The following ROBO2 variants were observed in gnomAD, a reference collection of about 807,000 sequenced individuals.
The protein encoded by ROBO2 is roundabout homolog 2.
ROBO2 carries 53 observed loss-of-function variants against 160.8 expected under a neutral mutation model. That is an observed-to-expected ratio of 0.33 (90% CI 0.26 to 0.41). The LOEUF is 0.41. Ranked by LOEUF, ROBO2 falls within the 10% of genes least tolerant of loss-of-function variation. The probability of loss-of-function intolerance (pLI) is 1.00; values close to 1 mark genes in which losing one functional copy is unlikely to be tolerated. For synonymous variants in ROBO2, 664 were observed against 611.7 expected, an observed-to-expected ratio of 1.09 and a Z score of -1.26; for missense variants, 1,577 against 1,722.4, an observed-to-expected ratio of 0.92 and a Z score of 1.49.
chr3:77,442,205 G>A (rs974592598), intron 2 of ROBO2, among the ~76,000 whole-genome samples: 2 of 151,956 alleles, frequency 1.3e-5, no homozygotes, highest in Admixed American at 6.6e-5. Context: ...CCAGCTACTC[G>A]GGAGGCTGAG....
At chr3:76,461,147 G>A (rs1172371025) in intron 2 of ROBO2, among the ~76,000 whole-genome samples, 2 of 152,170 alleles carry the variant, frequency 1.3e-5, no homozygotes, top group African/African-American at 4.8e-5. Context: ...GAGGCCTCAG[G>A]AAACTTATAA....
At chr3:76,376,390 C>T (rs749191766) in intron 2 of ROBO2, among the ~76,000 whole-genome samples, 2 of 152,074 alleles carry the variant, frequency 1.3e-5, no homozygotes, top group Non-Finnish European at 2.9e-5. Flanking sequence ...TCAAAGAAAC[C>T]ATGGATTTTA....
At chr3:76,292,963 GTT>G (rs5850246) in intron 2 of ROBO2, among the ~76,000 whole-genome samples, 5,824 of 141,744 alleles carry the variant, frequency 0.041, 319 homozygotes, top group African/African-American at 0.12. Flanking sequence ...AAGTACTAGG[GTT>G]TTTTTTTTTT....
intron 2 of ROBO2, among the ~76,000 whole-genome samples, chr3:76,851,826 G>A (rs1398202908): frequency 6.6e-6 from 1 of 150,706 alleles, no homozygotes; most frequent in Non-Finnish European, 1.5e-5. Context: ...ATGCATTAAA[G>A]TCATTGAGAT....
intron 23 of ROBO2, chr3:77,632,681 C>G (rs1428701186): frequency 6.6e-7 from 1 of 1,517,184 alleles, no homozygotes; most frequent in African/African-American, 1.4e-5. Context: ...AGTCAACACT[C>G]TTTGCATGAG....
At chr3:76,507,487 A>C (rs2107708340) in intron 2 of ROBO2, among the ~76,000 whole-genome samples, 1 of 152,250 alleles carries the variant, frequency 6.6e-6, no homozygotes, top group Non-Finnish European at 1.5e-5. Context: ...AGAATGTTAA[A>C]TCTAATACTT....
chr3:76,331,345 G>A (rs1430472445), intron 2 of ROBO2, among the ~76,000 whole-genome samples: 1 of 152,054 alleles, frequency 6.6e-6, no homozygotes. Flanking sequence ...CCAGCAATTA[G>A]GAATAACTTA....
chr3:77,127,079 A>G (rs1032354980), intron 2 of ROBO2, among the ~76,000 whole-genome samples: 9 of 151,902 alleles, frequency 5.9e-5, no homozygotes, highest in Admixed American at 3.9e-4. Context: ...GTGAGCCACC[A>G]CGCCAGGCCG....
chr3:77,049,052 G>A (rs150605361), intron 1 of ROBO2, among the ~76,000 whole-genome samples: 5 of 152,172 alleles, frequency 3.3e-5, no homozygotes, highest in South Asian at 2.1e-4. Context: ...GCCTGGGCTC[G>A]GCGCAGTGGC....
intron 2 of ROBO2, among the ~76,000 whole-genome samples, chr3:76,304,909 A>G (rs1364225682): frequency 6.6e-6 from 1 of 151,590 alleles, no homozygotes; most frequent in African/African-American, 2.4e-5. Flanking sequence ...CCAGCACTCA[A>G]GCGGGGTAAA....
intron 2 of ROBO2, among the ~76,000 whole-genome samples, chr3:76,491,600 T>C (rs532083727): frequency 6.6e-6 from 1 of 152,336 alleles, no homozygotes; most frequent in South Asian, 2.1e-4. Context: ...TCTACCTTTG[T>C]TTTGCCCTTG....
chr3:76,940,635 A>G (rs1182688478), intron 2 of ROBO2, among the ~76,000 whole-genome samples: 7 of 152,202 alleles, frequency 4.6e-5, no homozygotes, highest in Non-Finnish European at 7.3e-5. Flanking sequence ...CTCTGATTTG[A>G]AAGAGGTTTG....
chr3:77,421,388 T>TC (rs1269683783), intron 2 of ROBO2, among the ~76,000 whole-genome samples: 1 of 152,162 alleles, frequency 6.6e-6, no homozygotes, highest in Non-Finnish European at 1.5e-5. Flanking sequence ...ACATTTTTTT[T>TC]CTATGGCCAT....
chr3:76,962,795 G>T lies in ROBO2; in HGVS notation c.110-135219G>T, dbSNP rs529064463. On this transcript the variant is annotated intron_variant, in intron 2 of 26. Transcript: ENST00000487694. ...CATCCCAGCCTGGGTGACAGAGCAAGACCTTGTCTAAAAAATAAATCAATA... is the reference window on the plus strand; with the variant it reads ...CATCCCAGCCTGGGTGACAGAGCAATACCTTGTCTAAAAAATAAATCAATA... Among the ~76,000 whole-genome samples, 17 of 152,238 alleles carry T rather than the reference G, an allele frequency of 1.1e-4. No homozygotes were observed. The South Asian group carries it at 3.3e-3, about 30-fold the overall frequency.
At chr3:77,069,852 C>T (rs780075374) in intron 1 of ROBO2, among the ~76,000 whole-genome samples, 7 of 152,028 alleles carry the variant, frequency 4.6e-5, no homozygotes, top group African/African-American at 1.2e-4. Flanking sequence ...TAGGGAAGAG[C>T]GCTGATATGT....
intron 2 of ROBO2, among the ~76,000 whole-genome samples, chr3:76,783,424 GTGTT>G (rs2062779048): frequency 7.1e-6 from 1 of 141,396 alleles, no homozygotes; most frequent in African/African-American, 2.7e-5. Flanking sequence ...TGAAATCTCA[GTGTT>G]TGTTTGTCTG....
intron 2 of ROBO2, among the ~76,000 whole-genome samples, chr3:77,002,950 T>C (rs1370490692): frequency 2.0e-5 from 3 of 150,182 alleles, no homozygotes; most frequent in Non-Finnish European, 3.0e-5. Context: ...AAATACACTG[T>C]AATTAAGGCA....
chr3:76,014,725 C>T (rs913880395), intron 2 of ROBO2, among the ~76,000 whole-genome samples: 1 of 152,146 alleles, frequency 6.6e-6, no homozygotes, highest in African/African-American at 2.4e-5. Flanking sequence ...CCCAGAAGTT[C>T]AAGATCAGCC....
intron 2 of ROBO2, among the ~76,000 whole-genome samples, chr3:77,173,047 A>T (rs1400897955): frequency 6.6e-6 from 1 of 152,206 alleles, no homozygotes; most frequent in Non-Finnish European, 1.5e-5. Context: ...TGTCAGGTAG[A>T]TAGACAAGGT....
Sources: gnomAD v4.1 joint callset for allele counts (sites outside exome capture counted in the v4.1 genomes callset) on GRCh38, gnomAD v4.1.1 for gene constraint, MANE v1.5 for transcripts, NCBI Gene and HGNC (gene_info 2026-07-23, HGNC 2026-07-21) for gene names.